The following VGLL4 variants were observed in gnomAD, a reference collection of about 807,000 sequenced individuals.
The protein encoded by VGLL4 is vestigial like family member 4.
VGLL4 carries 7 observed loss-of-function variants against 21.0 expected under a neutral mutation model. The observed-to-expected ratio is 0.33, with a 90% CI of 0.19 to 0.63. The LOEUF (loss-of-function observed/expected upper bound fraction) is 0.63. Among genes scored for constraint, VGLL4 ranks in the 20% least tolerant of loss-of-function variants. The probability of loss-of-function intolerance (pLI) is 0.78; values close to 1 mark genes in which losing one functional copy is unlikely to be tolerated. For missense variants in VGLL4, 394 were observed against 425.7 expected, an observed-to-expected ratio of 0.93 and a Z score of 0.66; for synonymous variants, 222 against 173.2, an observed-to-expected ratio of 1.28 and a Z score of -2.21.
chr3:11,678,897 A>G (rs534379791), intron 2 of VGLL4, among the ~76,000 whole-genome samples: 7 of 152,320 alleles, frequency 4.6e-5, no homozygotes, highest in African/African-American at 1.7e-4. Context: ...GGCTATAAAG[A>G]GCTAAAAAAT....
At chr3:11,663,613 G>A (rs546229043) in intron 2 of VGLL4, among the ~76,000 whole-genome samples, 1 of 152,316 alleles carries the variant, frequency 6.6e-6, no homozygotes, top group East Asian at 1.9e-4. Flanking sequence ...AGCTACTTGG[G>A]AGGCTGAGGC....
chr3:11,575,876 G>A (rs1406468612), intron 2 of VGLL4, among the ~76,000 whole-genome samples: 1 of 152,246 alleles, frequency 6.6e-6, no homozygotes, highest in Non-Finnish European at 1.5e-5. Flanking sequence ...AATGTGTGCA[G>A]GCTTTCCAGA....
intron 1 of VGLL4, among the ~76,000 whole-genome samples, chr3:11,616,247 G>A (rs1452692990): frequency 6.6e-6 from 1 of 152,122 alleles, no homozygotes; most frequent in African/African-American, 2.4e-5. Flanking sequence ...TCACTTTCAG[G>A]TCTGGTCTAG....
At chr3:11,651,585 A>T (rs568766199) in intron 2 of VGLL4, among the ~76,000 whole-genome samples, 1 of 152,086 alleles carries the variant, frequency 6.6e-6, no homozygotes, top group South Asian at 2.1e-4. Flanking sequence ...AAAACAAAGC[A>T]GACTATAAGA....
In VGLL4 at chr3:11,601,880, A is replaced by G. The variant is rs143577475; in HGVS notation, c.225T>C (p.Cys75=). The G allele has an allele frequency of 1.0e-4, 169 of 1,613,798 alleles. No homozygotes were observed. Among genetic ancestry groups the G allele is most frequent in the Non-Finnish European group, 1.4e-4 (161 of 1,179,910 alleles). The change falls in exon 2 of 5, where the codon TGT becomes TGC. Residue 75 remains cysteine (C), a synonymous_variant. Transcript: ENST00000430365. ...SMEPGDEDLD[C]DNDHVSKMSR... ...TCATTTTGGAGACGTGGTCGTTGTC[A>G]CAGTCTAGGTCCTCGTCACCTGGCT...
At chr3:11,569,782 G>A (rs1179314430) in intron 2 of VGLL4, among the ~76,000 whole-genome samples, 1 of 152,218 alleles carries the variant, frequency 6.6e-6, no homozygotes, top group African/African-American at 2.4e-5. Flanking sequence ...CTTGGAGGCT[G>A]AAGTGGGAGG....
At chr3:11,635,308 G>A (rs2075565166) in intron 1 of VGLL4, among the ~76,000 whole-genome samples, 1 of 152,012 alleles carries the variant, frequency 6.6e-6, no homozygotes, top group African/African-American at 2.4e-5. Flanking sequence ...GACTTGTATA[G>A]GAGCACATGA....
rs201120731 is a variant in VGLL4 at position 11,673,438 on chromosome 3, G to T, written c.64+29533C>A. On this transcript the variant is annotated intron_variant, in intron 2 of 5. Transcript: ENST00000273038. ...GTCCGGAAGGGAGAAAGGGGGAAAGGGGGGGAAGTAGACTAGTCCGGGAGG... is the reference window on the plus strand; with the variant it reads ...GTCCGGAAGGGAGAAAGGGGGAAAGTGGGGGAAGTAGACTAGTCCGGGAGG... 3.9e-5 allele frequency among the ~76,000 whole-genome samples: 6 copies of T among 151,934 alleles called. No individual in the cohort carries two copies. In the South Asian group the frequency reaches 6.2e-4, roughly 16 times the overall value.
chr3:11,600,497 C>A (rs1377005681), intron 2 of VGLL4, among the ~76,000 whole-genome samples: 1 of 152,194 alleles, frequency 6.6e-6, no homozygotes, highest in African/African-American at 2.4e-5. Context: ...GCTAGCCCTG[C>A]CTGCGGAGTG....
intron 2 of VGLL4, among the ~76,000 whole-genome samples, chr3:11,601,084 G>C (rs1365176378): frequency 6.6e-6 from 1 of 152,200 alleles, no homozygotes; most frequent in Non-Finnish European, 1.5e-5. Context: ...AGAGTGCAAA[G>C]GGGAGAAGCC....
At position 11,618,760 on chromosome 3, in the gene VGLL4, A is replaced by T. The variant is rs568303671; in HGVS notation, c.83-16738T>A. On this transcript the variant is annotated intron_variant, in intron 1 of 4. Coordinates refer to ENST00000430365, the MANE Select transcript of VGLL4 (RefSeq NM_001128219.3). Reference sequence around the variant, plus strand: ...CATGTAAAATTTAATGTGTTTCCTAAACAAAATCATCCCCATGATGCCAAG... The same window carrying T: ...CATGTAAAATTTAATGTGTTTCCTATACAAAATCATCCCCATGATGCCAAG... Among the ~76,000 whole-genome samples the T allele has an allele frequency of 7.6e-4, 116 of 152,324 alleles. 7 individuals carry two copies. In the South Asian group the frequency reaches 0.023, roughly 30 times the overall value.
At chr3:11,632,597 G>A (rs73127168) in intron 1 of VGLL4, among the ~76,000 whole-genome samples, 2,927 of 152,248 alleles carry the variant, frequency 0.019, 86 homozygotes, top group African/African-American at 0.065. Flanking sequence ...AGAAGACCAT[G>A]GGGAAAATAA....
intron 1 of VGLL4, among the ~76,000 whole-genome samples, chr3:11,715,471 T>C (rs1459241423): frequency 6.6e-6 from 1 of 152,066 alleles, no homozygotes; most frequent in African/African-American, 2.4e-5. Context: ...GTAGTTGGGA[T>C]CACAGGTGCC....
At chr3:11,564,605 G>T (rs1314663265) in intron 3 of VGLL4, among the ~76,000 whole-genome samples, 192 bp downstream of exon 3, 1 of 150,114 alleles carries the variant, frequency 6.7e-6, no homozygotes, top group Non-Finnish European at 1.5e-5. Flanking sequence ...AAAAGCAGAA[G>T]AGGACTCCTG....
intron 2 of VGLL4, among the ~76,000 whole-genome samples, chr3:11,571,156 A>T (rs1254312566): frequency 6.6e-6 from 1 of 152,230 alleles, no homozygotes; most frequent in African/African-American, 2.4e-5. Flanking sequence ...CCAAAGACAG[A>T]GATGACCCTG....
In VGLL4 at chr3:11,665,101, CTTTT is replaced by C. The variant is rs59999510; in HGVS notation, c.64+37866_64+37869del. ...AAATGAAAGCAATTTGAATATTTTT[CTTTT>C]TTTTTTTTTTTTTTTTTTTTTTTTT... On this transcript the variant is annotated intron_variant, in intron 2 of 5. Coordinates refer to the VGLL4 transcript ENST00000273038. 1.5e-4 allele frequency among the ~76,000 whole-genome samples: 15 copies of C among 96,966 alleles called. 2 individuals are homozygous for C. Among genetic ancestry groups the C allele is most frequent in the Admixed American group, 4.6e-4 (4 of 8,622 alleles). 63.6% of individuals were successfully genotyped at this position (96,966 alleles called of 152,430 possible).
At chr3:11,679,870 T>C (rs2076345959) in intron 2 of VGLL4, among the ~76,000 whole-genome samples, 1 of 152,120 alleles carries the variant, frequency 6.6e-6, no homozygotes. Flanking sequence ...GAAATATATT[T>C]TAAAAATAAA....
intron 1 of VGLL4, among the ~76,000 whole-genome samples, chr3:11,639,124 T>C (rs1421394141): frequency 6.6e-6 from 1 of 152,172 alleles, no homozygotes; most frequent in African/African-American, 2.4e-5. Flanking sequence ...TCTTAACCCA[T>C]AATTAAAGTA....
At chr3:11,584,966 A>G (rs1164727341) in intron 2 of VGLL4, among the ~76,000 whole-genome samples, 3 of 152,134 alleles carry the variant, frequency 2.0e-5, no homozygotes, top group Non-Finnish European at 4.4e-5. Context: ...AAGTGTCACA[A>G]CTTGGTGACC....
Sources: allele counts gnomAD v4.1 joint callset (sites outside exome capture counted in the v4.1 genomes callset), GRCh38; gene constraint gnomAD v4.1.1; transcripts MANE v1.5; gene names NCBI Gene and HGNC (gene_info 2026-07-23, HGNC 2026-07-21).